Variants in NFIB observed in about 807,000 individuals in gnomAD.
NFIB encodes nuclear factor I B.
A neutral mutation model predicts 61.5 loss-of-function variants in NFIB; 11 were observed. The observed-to-expected ratio is 0.18, with a 90% confidence interval of 0.11 to 0.30. The LOEUF is 0.30. Ranked by LOEUF, NFIB falls within the 10% of genes least tolerant of loss-of-function variation. The pLI is 1.00. For missense variants in NFIB, 471 were observed against 608.9 expected, an observed-to-expected ratio of 0.77 and a Z score of 2.38; for synonymous variants, 260 against 216.5, an observed-to-expected ratio of 1.20 and a Z score of -1.76.
intron 2 of NFIB, among the ~76,000 whole-genome samples, chr9:14,284,981 C>T (rs2058616465): frequency 6.6e-6 from 1 of 152,104 alleles, no homozygotes; most frequent in African/African-American, 2.4e-5. Flanking sequence ...CCTACATAAG[C>T]AGCATAGAGC....
intron 6 of NFIB, among the ~76,000 whole-genome samples, chr9:14,138,408 T>C (rs2041313440): frequency 6.6e-6 from 1 of 152,116 alleles, no homozygotes; most frequent in African/African-American, 2.4e-5. Flanking sequence ...AATACAAATA[T>C]AATCTATGGA....
the NFIB span, among the ~76,000 whole-genome samples, chr9:14,458,600 T>C: frequency 6.6e-6 from 1 of 152,184 alleles, no homozygotes; most frequent in Non-Finnish European, 1.5e-5. Flanking sequence ...GATGACATGA[T>C]TGTATATCTA....
intron 1 of NFIB, among the ~76,000 whole-genome samples, chr9:14,380,591 C>T (rs140304224): frequency 6.6e-6 from 1 of 152,082 alleles, no homozygotes; most frequent in South Asian, 2.1e-4. Context: ...TTTATGATAA[C>T]AAATTACAGG....
chr9:14,211,450 T>C (rs1323498814), intron 2 of NFIB, among the ~76,000 whole-genome samples: 3 of 152,142 alleles, frequency 2.0e-5, no homozygotes, highest in South Asian at 4.1e-4. Context: ...GTTAAAAAAA[T>C]AATTCTACTC....
chr9:14,223,499 T>C (rs1221361337), intron 2 of NFIB, among the ~76,000 whole-genome samples: 1 of 152,234 alleles, frequency 6.6e-6, no homozygotes, highest in East Asian at 1.9e-4. Context: ...TTCCAATTTT[T>C]TTTAGGGCAT....
At chr9:14,471,765 C>G in the NFIB span, among the ~76,000 whole-genome samples, 1 of 152,192 alleles carries the variant, frequency 6.6e-6, no homozygotes. Flanking sequence ...CTTTACCAAG[C>G]TAATTTGCGA....
At chr9:14,347,101 C>T (rs2061033930) in intron 1 of NFIB, among the ~76,000 whole-genome samples, 1 of 151,310 alleles carries the variant, frequency 6.6e-6, no homozygotes, top group African/African-American at 2.4e-5. Flanking sequence ...AGCTCCACGC[C>T]GGGAGCTGGA....
intron 10 of NFIB, among the ~76,000 whole-genome samples, chr9:14,100,187 G>C (rs1228138677): frequency 6.6e-6 from 1 of 152,160 alleles, no homozygotes; most frequent in Non-Finnish European, 1.5e-5. Context: ...TACAATTTTT[G>C]AGAGGGAAGA....
the NFIB span, among the ~76,000 whole-genome samples, chr9:14,488,079 A>G: frequency 6.6e-6 from 1 of 152,170 alleles, no homozygotes; most frequent in African/African-American, 2.4e-5. Flanking sequence ...TTAACTTACA[A>G]AAGAATCACC....
intron 1 of NFIB, among the ~76,000 whole-genome samples, chr9:14,370,498 T>C (rs2061346825): frequency 6.6e-6 from 1 of 152,226 alleles, no homozygotes; most frequent in Non-Finnish European, 1.5e-5. Flanking sequence ...TAACAGATGT[T>C]TGAGAATGCT....
intron 2 of NFIB, among the ~76,000 whole-genome samples, chr9:14,213,439 C>T (rs1374637756): frequency 6.6e-6 from 1 of 152,110 alleles, no homozygotes; most frequent in Non-Finnish European, 1.5e-5. Flanking sequence ...CAAGAATCAC[C>T]CAGAGAGCTT....
At chr9:14,208,434 T>C (rs1235066093) in intron 2 of NFIB, among the ~76,000 whole-genome samples, 1 of 152,166 alleles carries the variant, frequency 6.6e-6, no homozygotes, top group Non-Finnish European at 1.5e-5. Context: ...AAACAAGAAA[T>C]TACTTTATGT....
the NFIB span, among the ~76,000 whole-genome samples, chr9:14,521,737 T>A: frequency 6.6e-6 from 1 of 152,186 alleles, no homozygotes; most frequent in African/African-American, 2.4e-5. Flanking sequence ...GGGACAATGT[T>A]GAAAACTGTT....
intron 1 of NFIB, among the ~76,000 whole-genome samples, chr9:14,389,186 C>G (rs1214622805): frequency 6.6e-6 from 1 of 152,088 alleles, no homozygotes; most frequent in Non-Finnish European, 1.5e-5. Flanking sequence ...GAAGTTAGGC[C>G]CTGTTAATAT....
At chr9:14,151,651 G>C (rs2042885143) in intron 4 of NFIB, among the ~76,000 whole-genome samples, 1 of 152,164 alleles carries the variant, frequency 6.6e-6, no homozygotes, top group African/African-American at 2.4e-5. Flanking sequence ...TAAGAGATTA[G>C]AGGGAGGTCA....
chr9:14,217,611 G>A (rs1298092301), intron 2 of NFIB, among the ~76,000 whole-genome samples: 42 of 133,976 alleles, frequency 3.1e-4, no homozygotes, highest in African/African-American at 1.1e-3. Context: ...GGTGAGCCGA[G>A]ATTGCAACAT....
chr9:14,349,810 ACT>A (rs2061082987), intron 1 of NFIB, among the ~76,000 whole-genome samples: 1 of 152,150 alleles, frequency 6.6e-6, no homozygotes, highest in African/African-American at 2.4e-5. Flanking sequence ...GAGAGTTGAG[ACT>A]TCGAGCTAAA....
In NFIB at chr9:14,228,158, CA is replaced by C. The variant is rs542871443; in HGVS notation, c.563-48379del. Among the ~76,000 whole-genome samples, 14 of 149,350 alleles carry C rather than the reference CA, an allele frequency of 9.4e-5. No homozygotes were observed. In the East Asian group the frequency reaches 2.6e-3, roughly 27 times the overall value. On this transcript the variant is annotated intron_variant, in intron 2 of 10. Transcript: ENST00000380953. Reference sequence around the variant, plus strand: ...TATATAGGAACAGAATCATATGCATCAAAGATATTAGATTATTGAAATAATA... The same window carrying C: ...TATATAGGAACAGAATCATATGCATCAAGATATTAGATTATTGAAATAATA...
chr9:14,212,308 T>C lies in NFIB; in HGVS notation c.563-32528A>G, dbSNP rs75232456. ...AACCACTCACTGACTTAATTTTACT[T>C]AGAAATTGCTCATGCACTTTTGTTG... On this transcript the variant is annotated intron_variant, in intron 2 of 10. Coordinates refer to ENST00000380953, the MANE Select transcript of NFIB (RefSeq NM_001190737.2). 1.5e-3 allele frequency among the ~76,000 whole-genome samples: 236 copies of C among 152,358 alleles called. 5 individuals carry two copies. The East Asian group carries it at 0.027, about 17-fold the overall frequency.
Sources: allele counts gnomAD v4.1 joint callset (sites outside exome capture counted in the v4.1 genomes callset), GRCh38; gene constraint gnomAD v4.1.1; transcripts MANE v1.5; gene names NCBI Gene and HGNC (gene_info 2026-07-23, HGNC 2026-07-21).